AOPEP: variants seen among roughly 807,000 people sequenced by gnomAD.
The protein encoded by AOPEP is aminopeptidase O (putative).
In AOPEP, 77 loss-of-function variants were observed where a neutral mutation model predicts 98.1. The ratio of observed to expected loss-of-function variants is 0.78; its 90% CI spans 0.65 to 0.95. The LOEUF is 0.95. Among genes scored for constraint, AOPEP ranks in the 40% least tolerant of loss-of-function variants. The pLI is 0.00. For synonymous variants in AOPEP, 346 were observed against 365.3 expected (o/e 0.95, Z 0.60); for missense variants, 1,024 against 1,024.7 (o/e 1.00, Z 0.01).
intron 1 of AOPEP, among the ~76,000 whole-genome samples, chr9:94,744,979 C>T (rs1834131231): frequency 6.6e-6 from 1 of 151,796 alleles, no homozygotes; most frequent in African/African-American, 2.4e-5. Context: ...TATAAGGGTA[C>T]ATGAGATATT....
chr9:95,098,846 C>T, the AOPEP span, among the ~76,000 whole-genome samples: 5 of 152,210 alleles, frequency 3.3e-5, no homozygotes, highest in Admixed American at 6.5e-5. Context: ...TGCCAGATGC[C>T]TGCCCTTGTC....
chr9:94,967,645 G>A, intron 9 of AOPEP, 113 bp from the exon 10 acceptor site: 1 of 802,214 alleles, frequency 1.2e-6, no homozygotes. Flanking sequence ...CATAGGTCTA[G>A]CTTCTCAAGC....
At chr9:94,760,703 G>T in intron 2 of AOPEP, 123 bp downstream of exon 2, 1 of 763,360 alleles carries the variant, frequency 1.3e-6, no homozygotes, top group East Asian at 2.8e-5. Context: ...TACCCAAGTA[G>T]CCTCAAATCC....
chr9:95,113,983 G>A, the AOPEP span: 2 of 158,468 alleles, frequency 1.3e-5, no homozygotes, highest in African/African-American at 2.4e-5. Context: ...AGCTACTCAG[G>A]AGTCTGAGTG....
intron 13 of AOPEP, among the ~76,000 whole-genome samples, chr9:95,009,258 C>T (rs574794739): frequency 6.7e-6 from 1 of 149,782 alleles, no homozygotes; most frequent in African/African-American, 2.5e-5. Context: ...AATTGTGTGC[C>T]ATCACAGATT....
intron 13 of AOPEP, among the ~76,000 whole-genome samples, chr9:95,022,491 C>T (rs1437735043): frequency 6.6e-6 from 1 of 152,172 alleles, no homozygotes; most frequent in Non-Finnish European, 1.5e-5. Context: ...GTGCCCGCCA[C>T]CATGCCTGGC....
At chr9:94,809,604 A>G (rs1212485866) in intron 5 of AOPEP, among the ~76,000 whole-genome samples, 1 of 152,240 alleles carries the variant, frequency 6.6e-6, no homozygotes, top group Admixed American at 6.5e-5. Context: ...GAGGAAGCAC[A>G]GGTCCTGCCC....
At chr9:94,728,239 G>GCA (rs78505500) in intron 1 of AOPEP, among the ~76,000 whole-genome samples, 56,373 of 146,454 alleles carry the variant, frequency 0.38, 10,721 homozygotes, top group East Asian at 0.48. Context: ...GTGCGCGCAT[G>GCA]CACACACACA....
chr9:94,962,235 A>G (rs970294835), intron 9 of AOPEP, among the ~76,000 whole-genome samples: 5 of 152,252 alleles, frequency 3.3e-5, no homozygotes, highest in African/African-American at 4.8e-5. Context: ...GAACATGAGC[A>G]GTTCACCGAA....
intron 3 of AOPEP, among the ~76,000 whole-genome samples, chr9:94,788,201 C>T (rs143148937): frequency 3.6e-4 from 55 of 151,966 alleles, no homozygotes; most frequent in Admixed American, 1.7e-3. Context: ...CTCCCAAGTA[C>T]GTGGGATCAC....
At chr9:94,794,749 AATT>A (rs1159719975) in intron 4 of AOPEP, among the ~76,000 whole-genome samples, 1 of 152,132 alleles carries the variant, frequency 6.6e-6, no homozygotes, top group Non-Finnish European at 1.5e-5. Context: ...TGGGAACTTT[AATT>A]GCATGTGAGA....
chr9:95,042,592 T>C (rs2065431854), intron 13 of AOPEP, among the ~76,000 whole-genome samples: 1 of 152,222 alleles, frequency 6.6e-6, no homozygotes, highest in African/African-American at 2.4e-5. Flanking sequence ...ACTTTCTTTC[T>C]GTAGGCTCTA....
chr9:94,733,083 T>C (rs1830917037), intron 1 of AOPEP, among the ~76,000 whole-genome samples: 1 of 151,774 alleles, frequency 6.6e-6, no homozygotes, highest in South Asian at 2.1e-4. Flanking sequence ...CTGTATATGC[T>C]GTGTTTAATC....
At chr9:95,026,459 T>C (rs1368708751) in intron 13 of AOPEP, among the ~76,000 whole-genome samples, 2 of 152,248 alleles carry the variant, frequency 1.3e-5, no homozygotes, top group African/African-American at 4.8e-5. Context: ...TACATGGTCT[T>C]ACGTGTTTGT....
chr9:94,956,806 A>T (rs1319892018), intron 9 of AOPEP, among the ~76,000 whole-genome samples: 1 of 152,222 alleles, frequency 6.6e-6, no homozygotes, highest in African/African-American at 2.4e-5. Flanking sequence ...CATATTTGAT[A>T]ATTGTGCTCA....
At chr9:94,810,383 C>T (rs1022882063) in intron 5 of AOPEP, among the ~76,000 whole-genome samples, 10 of 151,096 alleles carry the variant, frequency 6.6e-5, no homozygotes, top group African/African-American at 2.0e-4. Flanking sequence ...GGCGCAATCT[C>T]GGATCATTGC....
the AOPEP span, among the ~76,000 whole-genome samples, chr9:95,131,538 G>A: frequency 6.6e-6 from 1 of 152,128 alleles, no homozygotes; most frequent in Non-Finnish European, 1.5e-5. Flanking sequence ...GTGCCCCCCT[G>A]AGGCTAATTC....
chr9:94,932,145 AAAAC>A (rs889149329), intron 7 of AOPEP: 90 of 1,002,898 alleles, frequency 9.0e-5, no homozygotes, highest in South Asian at 2.3e-4. Context: ...AACAAATAAA[AAAAC>A]AAACAAACAA....
At chr9:95,098,077 C>CA in the AOPEP span, among the ~76,000 whole-genome samples, 1 of 152,008 alleles carries the variant, frequency 6.6e-6, no homozygotes, top group Non-Finnish European at 1.5e-5. Context: ...CCTTGGAAAG[C>CA]AAAAAAATTT....
Sources: allele counts gnomAD v4.1 joint callset (sites outside exome capture counted in the v4.1 genomes callset), GRCh38; gene constraint gnomAD v4.1.1; transcripts MANE v1.5; gene names NCBI Gene and HGNC (gene_info 2026-07-23, HGNC 2026-07-21).